Variants in NR1I2 observed in about 807,000 individuals in gnomAD.
The protein encoded by NR1I2 is orphan nuclear receptor PAR1.
NR1I2 carries 42 observed loss-of-function variants against 43.3 expected under a neutral mutation model. The ratio of observed to expected loss-of-function variants is 0.97; its 90% CI spans 0.76 to 1.26. The LOEUF (loss-of-function observed/expected upper bound fraction) is 1.26. Ranked by LOEUF, NR1I2 falls within the 50% of genes most tolerant of loss-of-function variation. The pLI, the probability that NR1I2 is intolerant of heterozygous loss-of-function variation, is 0.00. For synonymous variants in NR1I2, 229 were observed against 215.0 expected (o/e 1.06, Z -0.57); for missense variants, 559 against 566.7 (o/e 0.99, Z 0.14).
chr3:119,784,618 C>T (rs532731021), intron 1 of NR1I2, among the ~76,000 whole-genome samples: 3 of 152,274 alleles, frequency 2.0e-5, no homozygotes, highest in Non-Finnish European at 4.4e-5. Flanking sequence ...GATTTCTCAA[C>T]TTCCAAAATT....
rs968500232 is a variant in NR1I2 at position 119,817,389 on chromosome 3, GC to G, written c.*183del. On this transcript the variant is annotated 3_prime_UTR_variant, in exon 9 of 9. Coordinates refer to ENST00000393716, the MANE Select transcript of NR1I2 (RefSeq NM_003889.4). ...AGCATTCCTCAGGAAGGACATGGGT[GC>G]CCCCCACCCCCAGTTCAGTCTGTAG... 9.4e-5 allele frequency: 140 copies of G among 1,481,760 alleles called. No homozygotes were observed. Among genetic ancestry groups the G allele is most frequent in the Non-Finnish European group, 1.1e-4 (128 of 1,117,458 alleles). 91.8% of individuals were successfully genotyped at this position (1,481,760 alleles called of 1,614,324 possible).
intron 1 of NR1I2, among the ~76,000 whole-genome samples, chr3:119,794,457 G>A (rs986695851): frequency 2.7e-5 from 4 of 149,450 alleles, no homozygotes; most frequent in Non-Finnish European, 4.4e-5. Context: ...GCCTCCCAAA[G>A]TGCTGAGATT....
At chr3:119,788,460 C>T (rs2054874774) in intron 1 of NR1I2, among the ~76,000 whole-genome samples, 1 of 151,906 alleles carries the variant, frequency 6.6e-6, no homozygotes, top group Admixed American at 6.6e-5. Context: ...TTGATTGAGA[C>T]AAGGTGTCAT....
intron 1 of NR1I2, among the ~76,000 whole-genome samples, chr3:119,783,684 A>T (rs1358247624): frequency 1.3e-5 from 2 of 152,250 alleles, no homozygotes; most frequent in Non-Finnish European, 2.9e-5. Flanking sequence ...ATGAGAAAGC[A>T]GTATAGATAA....
intron 1 of NR1I2, among the ~76,000 whole-genome samples, chr3:119,784,024 C>T (rs1167075619): frequency 1.3e-5 from 2 of 152,150 alleles, no homozygotes; most frequent in Non-Finnish European, 2.9e-5. Flanking sequence ...ACCAATGAAC[C>T]TCACTGTGTT....
chr3:119,782,797 C>T (rs1236692810), intron 1 of NR1I2: 2 of 1,614,174 alleles, frequency 1.2e-6, no homozygotes, highest in Non-Finnish European at 1.7e-6. Context: ...GGAGGGGTCC[C>T]TCAGAGCACC....
chr3:119,800,912 G>A (rs532059854), intron 1 of NR1I2, among the ~76,000 whole-genome samples: 4 of 152,274 alleles, frequency 2.6e-5, no homozygotes, highest in South Asian at 2.1e-4. Context: ...TTTAATAAAC[G>A]GTTTACCCAC....
chr3:119,797,362 G>A (rs1388439102), intron 1 of NR1I2, among the ~76,000 whole-genome samples: 1 of 152,148 alleles, frequency 6.6e-6, no homozygotes, highest in Non-Finnish European at 1.5e-5. Flanking sequence ...GGAGAGCTCA[G>A]TGGGCCAGGC....
rs761766539 is a variant in NR1I2, at chr3:119,812,945, T to G, written c.779T>G (p.Val260Gly). 2 of 1,613,690 alleles carry G rather than the reference T, an allele frequency of 1.2e-6. No homozygotes were observed. The highest frequency in any genetic ancestry group is 1.7e-6 in the Non-Finnish European group (2 of 1,180,042). ...AAAGGCATCATCAGCTTTGCCAAAG[T>G]CATCTCCTACTTCAGGTAGGACATG... The change falls in exon 5 of 9, where the codon GTC becomes GGC. Residue 260 changes from valine (V) to glycine (G), a missense_variant. Physicochemically the swap from Val to Gly is moderately radical, Grantham distance 109 (BLOSUM62 -3). Transcript: ENST00000393716.
rs10511395 is a variant in NR1I2 at position 119,817,712 on chromosome 3, C to A, written c.*500C>A. The A allele has an allele frequency of 0.15, 163,873 of 1,070,120 alleles. 12,897 individuals are homozygous for A. The highest frequency in any genetic ancestry group is 0.16 in the Non-Finnish European group (141,287 of 881,028). 66.3% of individuals were successfully genotyped at this position (1,070,120 alleles called of 1,614,324 possible). A position where few individuals can be genotyped will look rare whatever the true frequency, so the allele number is the denominator to read the frequency against. On this transcript the variant is annotated 3_prime_UTR_variant, in exon 9 of 9. Coordinates refer to ENST00000393716, the MANE Select transcript of NR1I2 (RefSeq NM_003889.4). The stretch of plus-strand genomic sequence containing the variant: ...CTCTTCCGAGCTGCTTTGTGGGCTC[C>A]AGGCCTGTACTCATCGGCAGGCGCA...
chr3:119,804,987 T>A (rs1167958987), intron 1 of NR1I2, among the ~76,000 whole-genome samples: 3 of 152,208 alleles, frequency 2.0e-5, no homozygotes, highest in Admixed American at 6.5e-5. Context: ...ATACAGAACC[T>A]TAGTTACTGC....
At position 119,810,191 on chromosome 3, in the gene NR1I2, G is replaced by A; in HGVS notation, c.328G>A (p.Glu110Lys). The A allele has an allele frequency of 6.2e-7, 1 of 1,604,904 alleles. No homozygotes were observed. The highest frequency in any genetic ancestry group is 8.5e-7 in the Non-Finnish European group (1 of 1,175,838). The change falls in exon 3 of 9, where the codon GAG (glutamate) becomes AAG (lysine). Residue 110 changes from glutamate to lysine, a missense_variant. By Grantham distance (56) the Glu-to-Lys change is moderately conservative (BLOSUM62 1). Around this residue, in one of 3 missense-constraint regions of NR1I2, gnomAD observed 232 missense variants for 236.6 expected, o/e 0.98. Transcript: ENST00000393716. Reference sequence around the variant, plus strand: ...GTGCCTGGAGAGCGGCATGAAGAAGGAGAGTGAGCAGTGGGCGCGCGGGCG... The same window carrying A: ...GTGCCTGGAGAGCGGCATGAAGAAGAAGAGTGAGCAGTGGGCGCGCGGGCG...
At position 119,818,274 on chromosome 3, in the gene NR1I2, T is replaced by G. The variant is rs1448493249; in HGVS notation, c.*1062T>G. ...CGGAGAAGAACCATTTACATGCACC[T>G]TATATTTCTGTGTACACATCTATTC... On this transcript the variant is annotated 3_prime_UTR_variant, in exon 9 of 9. Transcript: ENST00000393716. 1 of 985,466 alleles carries G rather than the reference T, an allele frequency of 1.0e-6. No homozygotes were observed. Among genetic ancestry groups the G allele is most frequent in the Non-Finnish European group, 1.2e-6 (1 of 829,942 alleles). The allele number at this position is 985,466 out of a possible 1,614,324, so 61.0% of individuals were successfully genotyped here.
intron 1 of NR1I2, among the ~76,000 whole-genome samples, chr3:119,786,957 T>C (rs2054850698): frequency 6.6e-6 from 1 of 152,194 alleles, no homozygotes. Flanking sequence ...ATCATGTATC[T>C]ATTTACATGA....
Position 119,817,821 on chromosome 3 carries a change from G to A in NR1I2, c.*609G>A, listed in dbSNP as rs2107981707. 3.0e-6 allele frequency: 3 copies of A among 998,076 alleles called. No individual in the cohort carries two copies. The highest frequency in any genetic ancestry group is 3.6e-6 in the Non-Finnish European group (3 of 836,452). 61.8% of individuals were successfully genotyped at this position (998,076 alleles called of 1,614,324 possible). A position where few individuals can be genotyped will look rare whatever the true frequency, so the allele number is the denominator to read the frequency against. Reference sequence around the variant, plus strand: ...CAGAAGCTTGGCATGACCTCATTCCGGCCACATCATTCTGTGTCTCTGCAT... The same window carrying A: ...CAGAAGCTTGGCATGACCTCATTCCAGCCACATCATTCTGTGTCTCTGCAT... On this transcript the variant is annotated 3_prime_UTR_variant, in exon 9 of 9. Transcript: ENST00000393716.
chr3:119,794,185 G>T (rs1347479407), intron 1 of NR1I2, among the ~76,000 whole-genome samples: 5 of 150,974 alleles, frequency 3.3e-5, no homozygotes, highest in African/African-American at 4.9e-5. Context: ...GAGTTTTTTT[G>T]TTTGTTTGTT....
intron 1 of NR1I2, among the ~76,000 whole-genome samples, chr3:119,789,691 A>C (rs549249290): frequency 6.6e-6 from 1 of 151,658 alleles, no homozygotes; most frequent in Admixed American, 6.6e-5. Context: ...CCTCCTCACA[A>C]CTTCTGTTTC....
intron 1 of NR1I2, among the ~76,000 whole-genome samples, chr3:119,800,771 AG>A (rs1240491524): frequency 4.6e-5 from 7 of 152,292 alleles, no homozygotes; most frequent in Middle Eastern, 6.8e-3. Flanking sequence ...AAAAGGAGTG[AG>A]GGTCTTAGGG....
chr3:119,803,791 T>C (rs1437263079), intron 1 of NR1I2, among the ~76,000 whole-genome samples: 2 of 151,872 alleles, frequency 1.3e-5, no homozygotes, highest in African/African-American at 4.8e-5. Flanking sequence ...AGAGTCTCAC[T>C]GTGTTGCCCA....
Sources: gnomAD v4.1 joint callset for allele counts (sites outside exome capture counted in the v4.1 genomes callset) on GRCh38, gnomAD v4.1.1 for gene constraint, gnomAD v4.1.1 regional missense constraint, MANE v1.5 for transcripts, NCBI Gene and HGNC (gene_info 2026-07-23, HGNC 2026-07-21) for gene names.